The following AGTPBP1 variants were observed in gnomAD, a reference collection of about 807,000 sequenced individuals.
AGTPBP1 encodes ATP/GTP binding carboxypeptidase 1.
Under a neutral mutation model 143.9 loss-of-function variants are expected in AGTPBP1, and 70 were observed. The ratio of observed to expected loss-of-function variants is 0.49; its 90% CI spans 0.40 to 0.59. AGTPBP1 has a LOEUF of 0.59. Among genes scored for constraint, AGTPBP1 ranks in the 20% least tolerant of loss-of-function variants. The pLI is 0.00. For missense variants in AGTPBP1, 1,229 were observed against 1,464.5 expected (o/e 0.84, Z 2.62); for synonymous variants, 463 against 500.2 (o/e 0.93, Z 0.99).
chr9:85,660,227 G>A (rs12378009), intron 9 of AGTPBP1, among the ~76,000 whole-genome samples: 5 of 151,944 alleles, frequency 3.3e-5, no homozygotes, highest in Non-Finnish European at 7.4e-5. Context: ...AAGCCACCCA[G>A]CCACCAACAC....
At chr9:85,652,369 G>A (rs777780896) in intron 11 of AGTPBP1, among the ~76,000 whole-genome samples, 5 of 152,042 alleles carry the variant, frequency 3.3e-5, no homozygotes, top group African/African-American at 4.8e-5. Flanking sequence ...AAAATTAGCT[G>A]GGCGTGGTGG....
the AGTPBP1 span, among the ~76,000 whole-genome samples, chr9:85,789,274 G>A: frequency 6.6e-6 from 1 of 152,034 alleles, no homozygotes; most frequent in African/African-American, 2.4e-5. Context: ...TTTAGTCGGT[G>A]TTCTCACAAA....
chr9:85,797,770 A>T, the AGTPBP1 span, among the ~76,000 whole-genome samples: 5 of 152,128 alleles, frequency 3.3e-5, no homozygotes, highest in African/African-American at 1.2e-4. Context: ...CAAATTTGTG[A>T]TGGGCCACAT....
In AGTPBP1 at chr9:85,692,938, TC is replaced by T. The variant is rs2134275898; in HGVS notation, c.33-126del. The T allele has an allele frequency of 3.8e-6, 4 of 1,058,084 alleles. No homozygotes were observed. The Admixed American group carries it at 7.5e-5, about 20-fold the overall frequency. 65.5% of individuals were successfully genotyped at this position (1,058,084 alleles called of 1,614,324 possible). On this transcript the variant is annotated intron_variant, in intron 2 of 25. Coordinates refer to ENST00000357081, the MANE Select transcript of AGTPBP1 (RefSeq NM_001330701.2). Reference sequence around the variant, plus strand: ...ACAGAAAGCATTTACACGTCGCACTTCCTTACTCTGTTCTATAGCTTAATAT... The same window carrying T: ...ACAGAAAGCATTTACACGTCGCACTTCTTACTCTGTTCTATAGCTTAATAT...
At chr9:85,706,613 G>A (rs1837021929) in intron 2 of AGTPBP1, among the ~76,000 whole-genome samples, 1 of 152,078 alleles carries the variant, frequency 6.6e-6, no homozygotes, top group Non-Finnish European at 1.5e-5. Context: ...GCTCACGCCT[G>A]TAATCCCAGC....
intron 3 of AGTPBP1, among the ~76,000 whole-genome samples, chr9:85,688,583 C>G (rs1269216137): frequency 6.6e-6 from 1 of 152,008 alleles, no homozygotes; most frequent in African/African-American, 2.4e-5. Context: ...TCTATAGAAA[C>G]TAAAAGGATT....
chr9:85,724,222 G>T (rs1034055735), intron 1 of AGTPBP1, among the ~76,000 whole-genome samples: 1 of 151,140 alleles, frequency 6.6e-6, no homozygotes. Context: ...GGGAGGCAGG[G>T]GTTACAGTGA....
chr9:85,679,470 C>T (rs934092166), intron 4 of AGTPBP1, among the ~76,000 whole-genome samples: 1 of 152,106 alleles, frequency 6.6e-6, no homozygotes. Context: ...TGCAGTGGCG[C>T]AATCTCGGCT....
At chr9:85,751,647 C>T in the AGTPBP1 span, among the ~76,000 whole-genome samples, 4 of 152,102 alleles carry the variant, frequency 2.6e-5, no homozygotes, top group Non-Finnish European at 5.9e-5. Context: ...CAGAGTCTCA[C>T]TCTGTCACCT....
the AGTPBP1 span, among the ~76,000 whole-genome samples, chr9:85,754,368 T>A: frequency 6.6e-6 from 1 of 152,304 alleles, no homozygotes; most frequent in South Asian, 2.1e-4. Context: ...TTTTTTGTAT[T>A]TTTAGTAGAG....
chr9:85,595,452 T>TAC (rs1829235310), intron 18 of AGTPBP1, among the ~76,000 whole-genome samples: 2 of 152,172 alleles, frequency 1.3e-5, no homozygotes, highest in East Asian at 3.8e-4. Context: ...AATCCTCGAG[T>TAC]ACTTAGAGGT....
chr9:85,798,942 G>A, the AGTPBP1 span, among the ~76,000 whole-genome samples: 1 of 152,002 alleles, frequency 6.6e-6, no homozygotes, highest in Non-Finnish European at 1.5e-5. Flanking sequence ...TTGGTTTGCT[G>A]CACCCATCAA....
intron 13 of AGTPBP1, among the ~76,000 whole-genome samples, chr9:85,639,501 C>A (rs1055518461): frequency 6.6e-6 from 1 of 152,076 alleles, no homozygotes; most frequent in African/African-American, 2.4e-5. Flanking sequence ...CAAGACACAG[C>A]ACTTTAAACA....
intron 1 of AGTPBP1, among the ~76,000 whole-genome samples, chr9:85,731,563 A>T (rs1290096111): frequency 6.6e-6 from 1 of 152,046 alleles, no homozygotes; most frequent in East Asian, 1.9e-4. Flanking sequence ...GGGCTCAAGT[A>T]ATCCTTCTGC....
At chr9:85,750,566 C>T in the AGTPBP1 span, among the ~76,000 whole-genome samples, 3 of 152,272 alleles carry the variant, frequency 2.0e-5, no homozygotes, top group East Asian at 3.9e-4. Context: ...AATAAGAATG[C>T]TCAGTCTCTT....
chr9:85,769,453 A>G, the AGTPBP1 span, among the ~76,000 whole-genome samples: 1 of 149,994 alleles, frequency 6.7e-6, no homozygotes, highest in Admixed American at 6.7e-5. Flanking sequence ...CAGGAGGGCA[A>G]GGTAGGAGGT....
chr9:85,562,413 C>T (rs1357469956), intron 25 of AGTPBP1, among the ~76,000 whole-genome samples: 1 of 152,096 alleles, frequency 6.6e-6, no homozygotes, highest in African/African-American at 2.4e-5. Context: ...AAAACAAATA[C>T]TAAACAAAAA....
intron 25 of AGTPBP1, among the ~76,000 whole-genome samples, chr9:85,560,320 C>T (rs1337439446): frequency 1.3e-5 from 2 of 152,138 alleles, no homozygotes; most frequent in Non-Finnish European, 2.9e-5. Flanking sequence ...GAATTGAAAA[C>T]AAGAACCAGC....
At position 85,678,375 on chromosome 9, in the gene AGTPBP1, T is replaced by G. The variant is rs368207997; in HGVS notation, c.249A>C (p.Thr83=). 5 of 1,592,044 alleles carry G rather than the reference T, an allele frequency of 3.1e-6. No homozygotes were observed. Among genetic ancestry groups the G allele is most frequent in the Non-Finnish European group, 1.7e-6 (2 of 1,166,410 alleles). Residue 83 remains threonine (T), a synonymous_variant, in exon 5 of 26, where the codon ACA becomes ACC. Transcript: ENST00000357081. The stretch of plus-strand genomic sequence containing the variant: ...CAACAAGAATGCTTAAGATATTAAG[T>G]GTAGTTTGAAGATCTTTTGTGTTCT... ...TLENTKDLQT[T]LNILSILVEL...
Sources: allele counts gnomAD v4.1 joint callset (sites outside exome capture counted in the v4.1 genomes callset), GRCh38; gene constraint gnomAD v4.1.1; transcripts MANE v1.5; gene names NCBI Gene and HGNC (gene_info 2026-07-23, HGNC 2026-07-21).